Variants in TRAK1 observed in about 807,000 individuals in gnomAD.
TRAK1 encodes trafficking kinesin protein 1, also known as trafficking kinesin-binding protein 1.
TRAK1 carries 33 observed loss-of-function variants against 92.1 expected under a neutral mutation model. That is an observed-to-expected ratio of 0.36 (90% confidence interval 0.27 to 0.48). TRAK1 has a LOEUF of 0.48. TRAK1 is among the 20% of genes least tolerant of loss of function. The pLI is 0.99. For missense variants in TRAK1, 1,123 were observed against 1,257.9 expected (o/e 0.89, Z 1.62); for synonymous variants, 521 against 517.3 (o/e 1.01, Z -0.10).
intron 14 of TRAK1, chr3:42,219,102 C>G (rs1280986227): frequency 1.0e-6 from 1 of 985,210 alleles, no homozygotes; most frequent in Non-Finnish European, 1.2e-6. Flanking sequence ...TAGCTGTTGC[C>G]AATGCAAAGA....
chr3:42,222,198 C>CA (rs2149551343), intron 15 of TRAK1, among the ~76,000 whole-genome samples: 1 of 152,280 alleles, frequency 6.6e-6, no homozygotes, highest in African/African-American at 2.4e-5. Context: ...TCAGGCCCCA[C>CA]ACATTTCAGT....
rs1395741770 is a variant in TRAK1, at chr3:42,125,272, G to C, written c.92-148G>C. On this transcript the variant is annotated intron_variant, in intron 1 of 15. Transcript: ENST00000327628. ...AGTTTTGAGACTAGAATTTAAATTGGAAAAAGACTCCTGATATAGCCTTGT... is the reference window on the plus strand; with the variant it reads ...AGTTTTGAGACTAGAATTTAAATTGCAAAAAGACTCCTGATATAGCCTTGT... 5.8e-6 allele frequency: 4 copies of C among 688,978 alleles called. No individual in the cohort carries two copies. The African/African-American group carries it at 7.2e-5, about 12-fold the overall frequency. The allele number at this position is 688,978 out of a possible 1,614,324, so 42.7% of individuals were successfully genotyped here.
chr3:42,187,845 A>C lies in TRAK1; in HGVS notation c.481-200A>C, dbSNP rs184940395. ...TATGAATTTAGACAGCTTTCTACCA[A>C]AAAGTAATTGTGTTTCTTTTAAATA... On this transcript the variant is annotated intron_variant, in intron 4 of 15. Transcript: ENST00000327628. Among the ~76,000 whole-genome samples, 5 of 152,326 alleles carry C rather than the reference A, an allele frequency of 3.3e-5. No individual in the cohort carries two copies. In the East Asian group the frequency reaches 9.7e-4, roughly 29 times the overall value.
chr3:42,018,027 G>T lies in TRAK1; in HGVS notation c.-519+3910G>T, dbSNP rs1351150196. On this transcript the variant is annotated intron_variant, in intron 1 of 16. Coordinates refer to the TRAK1 transcript ENST00000487159. Reference sequence around the variant, plus strand: ...CCTTCCTAGAATGCTGAGGTGGGAGGATCACTTGAGCCCAGGAGTTCGAGA... The same window carrying T: ...CCTTCCTAGAATGCTGAGGTGGGAGTATCACTTGAGCCCAGGAGTTCGAGA... 7.9e-5 allele frequency among the ~76,000 whole-genome samples: 11 copies of T among 139,158 alleles called. No homozygotes were observed. The East Asian group carries it at 1.9e-3, about 24-fold the overall frequency. 91.3% of individuals were successfully genotyped at this position (139,158 alleles called of 152,430 possible).
intron 1 of TRAK1, among the ~76,000 whole-genome samples, chr3:42,045,257 G>A (rs191090655): frequency 4.6e-5 from 7 of 152,186 alleles, no homozygotes; most frequent in Admixed American, 6.6e-5. Context: ...AACCCAGGCC[G>A]GGCATGGTGA....
rs1214611513 is a variant in TRAK1 at position 42,149,364 on chromosome 3, C to T, written c.286+23750C>T. 4.2e-6 allele frequency: 6 copies of T among 1,434,778 alleles called. No homozygotes were observed. The East Asian group carries it at 1.5e-4, about 36-fold the overall frequency. 88.9% of individuals were successfully genotyped at this position (1,434,778 alleles called of 1,614,324 possible). A position where few individuals can be genotyped will look rare whatever the true frequency, so the allele number is the denominator to read the frequency against. The stretch of plus-strand genomic sequence containing the variant: ...CCCATAGAATTTTTCTTTTCATTGC[C>T]CACTTTACTGTTTTGGCTCCAGACT... On this transcript the variant is annotated intron_variant, in intron 2 of 15. Transcript: ENST00000327628.
At chr3:42,131,763 A>G (rs1028810320) in intron 2 of TRAK1, among the ~76,000 whole-genome samples, 1 of 151,478 alleles carries the variant, frequency 6.6e-6, no homozygotes, top group Non-Finnish European at 1.5e-5. Flanking sequence ...TTTAAAAAAA[A>G]AATACAATCC....
chr3:42,138,924 T>TGTGTGTGTGTG (rs1491483442), intron 2 of TRAK1, among the ~76,000 whole-genome samples: 45 of 129,334 alleles, frequency 3.5e-4, no homozygotes, highest in South Asian at 1.2e-3. Flanking sequence ...TGTGTGTGTG[T>TGTGTGTGTGTG]TTGGAGGAGG....
At chr3:42,084,544 A>G (rs954415389), upstream of TRAK1, among the ~76,000 whole-genome samples, 8 of 152,220 alleles carry the variant, frequency 5.3e-5, no homozygotes, top group Non-Finnish European at 7.3e-5. Context: ...CTTGCCCAGC[A>G]TGGAGAAGCC....
At chr3:42,189,798 T>TG (rs1705423157) in intron 6 of TRAK1, among the ~76,000 whole-genome samples, 2 of 152,212 alleles carry the variant, frequency 1.3e-5, no homozygotes. Flanking sequence ...CCCAAAGTGC[T>TG]GGGGTTACAG....
chr3:42,132,267 A>ATT lies in TRAK1; in HGVS notation c.286+6664_286+6665dup, dbSNP rs555637474. Among the ~76,000 whole-genome samples the ATT allele has an allele frequency of 6.5e-3, 764 of 118,266 alleles. 28 individuals are homozygous for ATT. In the East Asian group the frequency reaches 0.11, roughly 18 times the overall value. 77.6% of individuals were successfully genotyped at this position (118,266 alleles called of 152,430 possible). A position where few individuals can be genotyped will look rare whatever the true frequency, so the allele number is the denominator to read the frequency against. ...TTGTTTTTTTTTTTTTGTTTGGTGT[A>ATT]TTTTTTTTTTTTGAGTCAGTCTTCT... On this transcript the variant is annotated intron_variant, in intron 2 of 15. Coordinates refer to ENST00000327628, the MANE Select transcript of TRAK1 (RefSeq NM_001042646.3).
chr3:42,214,353 G>A (rs932894549), intron 14 of TRAK1, among the ~76,000 whole-genome samples: 9 of 152,208 alleles, frequency 5.9e-5, no homozygotes, highest in African/African-American at 1.9e-4. Flanking sequence ...TCTTGATGCA[G>A]CTCAGCCAGG....
chr3:42,102,102 C>T (rs866699172), intron 1 of TRAK1, among the ~76,000 whole-genome samples: 2 of 152,228 alleles, frequency 1.3e-5, no homozygotes, highest in African/African-American at 4.8e-5. Context: ...TCTCCTGCCT[C>T]ACCCTCCCGA....
chr3:42,089,331 G>A (rs1704856177), upstream of TRAK1, among the ~76,000 whole-genome samples: 1 of 152,132 alleles, frequency 6.6e-6, no homozygotes, highest in Admixed American at 6.5e-5. Context: ...TGGCCTTCCA[G>A]TGGGGCCTCT....
At chr3:42,213,414 C>T (rs777811191) in intron 14 of TRAK1, among the ~76,000 whole-genome samples, 3 of 152,180 alleles carry the variant, frequency 2.0e-5, no homozygotes, top group Non-Finnish European at 4.4e-5. Context: ...GCTAAAATTG[C>T]CCTTAAAAAA....
At chr3:42,125,953 C>T (rs531832114) in intron 2 of TRAK1, among the ~76,000 whole-genome samples, 23 of 152,096 alleles carry the variant, frequency 1.5e-4, no homozygotes, top group East Asian at 7.7e-4. Flanking sequence ...TGGGTTCAAA[C>T]GATTCTCCTG....
At chr3:42,211,854 C>T (rs60260632) in intron 14 of TRAK1, 71,416 of 985,242 alleles carry the variant, frequency 0.072, 2,631 homozygotes, top group South Asian at 0.078. Context: ...CGTTATTTGA[C>T]GAGGGGCATG....
chr3:42,092,681 T>TTGTTGTGTTG lies in TRAK1; in HGVS notation c.91+1146_91+1155dup, dbSNP rs1553712895. ...TGGCTTAGAATTTGTTCCTTTTATT[T>TTGTTGTGTTG]TGTTGTGTTGTGTTGTGTTGTGTTG... is the stretch of plus-strand genomic sequence containing the variant. On this transcript the variant is annotated intron_variant, in intron 1 of 15. Coordinates refer to ENST00000327628, the MANE Select transcript of TRAK1 (RefSeq NM_001042646.3). 6.8e-4 allele frequency among the ~76,000 whole-genome samples: 89 copies of TTGTTGTGTTG among 131,364 alleles called. 1 individual carries two copies. Among genetic ancestry groups the TTGTTGTGTTG allele is most frequent in the African/African-American group, 2.1e-3 (65 of 31,322 alleles). The allele number at this position is 131,364 out of a possible 152,430, so 86.2% of individuals were successfully genotyped here.
chr3:42,124,188 T>C (rs1321742092), intron 1 of TRAK1, among the ~76,000 whole-genome samples: 1 of 152,096 alleles, frequency 6.6e-6, no homozygotes, highest in African/African-American at 2.4e-5. Flanking sequence ...TTTTGAATAA[T>C]TTTTCTTTGT....
Sources: allele counts gnomAD v4.1 joint callset (sites outside exome capture counted in the v4.1 genomes callset), GRCh38; gene constraint gnomAD v4.1.1; transcripts MANE v1.5; gene names NCBI Gene and HGNC (gene_info 2026-07-23, HGNC 2026-07-21).